Variants in PCSK1 observed in about 807,000 individuals in gnomAD.
The protein encoded by PCSK1 is proprotein convertase subtilisin/kexin type 1, also known as neuroendocrine convertase 1.
PCSK1 carries 56 observed loss-of-function variants against 90.6 expected under a neutral mutation model. That is an observed-to-expected ratio of 0.62 (90% CI 0.50 to 0.77). PCSK1 has a LOEUF of 0.77. PCSK1 is among the 30% of genes least tolerant of loss of function. The probability of loss-of-function intolerance (pLI) is 0.00; values close to 1 mark genes in which losing one functional copy is unlikely to be tolerated. For missense variants in PCSK1, 801 were observed against 932.6 expected, an observed-to-expected ratio of 0.86 and a Z score of 1.84; for synonymous variants, 348 against 342.4, an observed-to-expected ratio of 1.02 and a Z score of -0.18.
intron 5 of PCSK1, among the ~76,000 whole-genome samples, chr5:96,419,984 C>T (rs2112435226): frequency 6.6e-6 from 1 of 152,064 alleles, no homozygotes; most frequent in South Asian, 2.1e-4. Flanking sequence ...CCAGGATCTG[C>T]CTGGAAGGAC....
At chr5:96,394,085 T>TGTAA (rs1275612662) in intron 13 of PCSK1, among the ~76,000 whole-genome samples, 1 of 152,230 alleles carries the variant, frequency 6.6e-6, no homozygotes, top group Admixed American at 6.5e-5. Flanking sequence ...ACAGTTCATG[T>TGTAA]GTAAGTTTCT....
intron 6 of PCSK1, among the ~76,000 whole-genome samples, 165 bp downstream of exon 6, chr5:96,415,868 C>G (rs1314487445): frequency 6.6e-6 from 1 of 152,078 alleles, no homozygotes; most frequent in Non-Finnish European, 1.5e-5. Context: ...GAATCCATAT[C>G]TATTGACTCG....
At chr5:96,412,240 A>C in intron 7 of PCSK1, 78 bp downstream of exon 7, 108 of 1,192,712 alleles carry the variant, frequency 9.1e-5, no homozygotes, top group Non-Finnish European at 1.2e-4. Flanking sequence ...TATTCCATGT[A>C]ACCTAAGTGT....
chr5:96,399,817 CCACAGAGAA>C lies in PCSK1; in HGVS notation c.1430+127_1430+135del. On this transcript the variant is annotated intron_variant, in intron 10 of 13. Coordinates refer to ENST00000311106, the MANE Select transcript of PCSK1 (RefSeq NM_000439.5). ...TCTCTTAGTTAGTCCCCATGGATAC[CCACAGAGAA>C]CACTAGAAAATTCCACCTCCATCTA... 4.2e-6 allele frequency: 3 copies of C among 711,118 alleles called. No homozygotes were observed. The South Asian group carries it at 4.9e-5, about 12-fold the overall frequency. 44.1% of individuals were successfully genotyped at this position (711,118 alleles called of 1,614,324 possible).
chr5:96,417,975 G>T (rs929643013), intron 5 of PCSK1, among the ~76,000 whole-genome samples: 2 of 152,230 alleles, frequency 1.3e-5, no homozygotes, highest in African/African-American at 4.8e-5. Flanking sequence ...GTCAGCAAAA[G>T]AATCCAGTGC....
At chr5:96,427,846 A>G (rs1337275341) in intron 2 of PCSK1, among the ~76,000 whole-genome samples, 2 of 152,174 alleles carry the variant, frequency 1.3e-5, no homozygotes, top group African/African-American at 2.4e-5. Flanking sequence ...CCAGAGTGCT[A>G]GAAGTTATTC....
In PCSK1 at chr5:96,392,697, C is replaced by G. The variant is rs1239736742; in HGVS notation, c.*304G>C. On this transcript the variant is annotated 3_prime_UTR_variant, in exon 14 of 14. Transcript: ENST00000311106. ...TTTCTTTTGAGAATTGAAATGGGCT[C>G]TAATGCAGTGTTCTAATGTAGTGTA... is the stretch of plus-strand genomic sequence containing the variant. The G allele has an allele frequency of 8.4e-6, 3 of 358,920 alleles. No homozygotes were observed. The highest frequency in any genetic ancestry group is 4.2e-5 in the African/African-American group (2 of 48,002). 22.2% of individuals were successfully genotyped at this position (358,920 alleles called of 1,614,324 possible). A position where few individuals can be genotyped will look rare whatever the true frequency, so the allele number is the denominator to read the frequency against.
chr5:96,401,074 G>A (rs1334746912), intron 9 of PCSK1, among the ~76,000 whole-genome samples: 6 of 125,672 alleles, frequency 4.8e-5, no homozygotes, highest in East Asian at 2.3e-4. Flanking sequence ...GCTAAAGAGC[G>A]GGACTCCGTC....
intron 5 of PCSK1, among the ~76,000 whole-genome samples, chr5:96,419,174 A>G (rs1761032094): frequency 6.6e-6 from 1 of 151,878 alleles, no homozygotes; most frequent in South Asian, 2.1e-4. Context: ...GGTAGTATTT[A>G]AATATCTTGT....
rs566079021 is a variant in PCSK1, at chr5:96,392,365, A to G, written c.*636T>C. The stretch of plus-strand genomic sequence containing the variant: ...ACAGACACAGTGCACCAGGCAAAGA[A>G]TGTTCGAAAATTGCTCAAACCAGAG... On this transcript the variant is annotated 3_prime_UTR_variant, in exon 14 of 14. Coordinates refer to ENST00000311106, the MANE Select transcript of PCSK1 (RefSeq NM_000439.5). The G allele has an allele frequency of 1.3e-5, 2 of 153,028 alleles. No individual in the cohort carries two copies. The highest frequency in any genetic ancestry group is 4.1e-4 in the South Asian group (2 of 4,832). 9.5% of individuals were successfully genotyped at this position (153,028 alleles called of 1,614,324 possible). A position where few individuals can be genotyped will look rare whatever the true frequency, so the allele number is the denominator to read the frequency against.
intron 12 of PCSK1, among the ~76,000 whole-genome samples, chr5:96,396,902 T>G (rs1468554346): frequency 6.6e-6 from 1 of 152,246 alleles, no homozygotes; most frequent in Admixed American, 6.5e-5. Flanking sequence ...CTCCAAACAT[T>G]AAGCTACATC....
chr5:96,403,833 T>C (rs1210303786), intron 9 of PCSK1, among the ~76,000 whole-genome samples: 5 of 152,228 alleles, frequency 3.3e-5, no homozygotes, highest in Non-Finnish European at 7.3e-5. Context: ...CAAGACTTTT[T>C]TGTTGTGATT....
chr5:96,429,365 A>G (rs759218878), intron 1 of PCSK1, 48 bp from the exon 2 acceptor site: 7 of 1,015,842 alleles, frequency 6.9e-6, no homozygotes, highest in South Asian at 1.3e-5. Flanking sequence ...CCAAACAAGT[A>G]TATATGGACT....
At chr5:96,406,869 A>G (rs1445005026) in intron 9 of PCSK1, among the ~76,000 whole-genome samples, 1 of 152,262 alleles carries the variant, frequency 6.6e-6, no homozygotes, top group Non-Finnish European at 1.5e-5. Flanking sequence ...TGACATTTCA[A>G]GATTCACTGT....
At chr5:96,420,257 C>G (rs1761079129) in intron 5 of PCSK1, among the ~76,000 whole-genome samples, 1 of 152,162 alleles carries the variant, frequency 6.6e-6, no homozygotes, top group South Asian at 2.1e-4. Context: ...TCCAAGGTCA[C>G]CCTTTACTCT....
intron 6 of PCSK1, among the ~76,000 whole-genome samples, chr5:96,412,752 G>GTCTTTT (rs1760801760): frequency 1.4e-5 from 1 of 71,832 alleles, no homozygotes; most frequent in African/African-American, 9.0e-5. Flanking sequence ...CAGCTGTGAT[G>GTCTTTT]TTTTTTTTTT....
At chr5:96,410,726 G>T in intron 8 of PCSK1, 48 bp downstream of exon 8, 1 of 1,426,798 alleles carries the variant, frequency 7.0e-7, no homozygotes, top group Non-Finnish European at 9.9e-7. Flanking sequence ...TCACATGCAT[G>T]CCACGCTCTC....
intron 3 of PCSK1, 83 bp from the exon 4 acceptor site, chr5:96,423,542 C>T (rs376323466): frequency 7.9e-7 from 1 of 1,260,252 alleles, no homozygotes; most frequent in Non-Finnish European, 1.2e-6. Flanking sequence ...ACCTGGAGAC[C>T]CATCTTTCTT....
rs1761550899 is a variant in PCSK1, at chr5:96,432,874, G to A, written c.169C>T (p.Leu57Phe). 3.7e-6 allele frequency: 6 copies of A among 1,613,560 alleles called. No homozygotes were observed. Among genetic ancestry groups the A allele is most frequent in the Non-Finnish European group, 5.1e-6 (6 of 1,179,890 alleles). ...SAIAEELGYD[L>F]LGQIGSLENH... ...GTGGAAACTCTTACCTGACCCAAAA[G>A]GTCATAGCCCAGCTCCTCGGCGATG... Residue 57 changes from leucine to phenylalanine, a missense_variant, in exon 1 of 14, where the codon CTT becomes TTT. By Grantham distance (22) the Leu-to-Phe change is conservative. Transcript: ENST00000311106.
Sources: gnomAD v4.1 joint callset for allele counts (sites outside exome capture counted in the v4.1 genomes callset) on GRCh38, gnomAD v4.1.1 for gene constraint, MANE v1.5 for transcripts, NCBI Gene and HGNC (gene_info 2026-07-23, HGNC 2026-07-21) for gene names.